The following SPRED1 variants were observed in gnomAD, a reference collection of about 807,000 sequenced individuals.
SPRED1 encodes sprouty-related, EVH1 domain-containing protein 1.
A neutral mutation model predicts 52.3 loss-of-function variants in SPRED1; 18 were observed. That is an observed-to-expected ratio of 0.34 (90% CI 0.24 to 0.51). SPRED1 has a LOEUF of 0.51. SPRED1 is among the 20% of genes least tolerant of loss of function. The pLI is 0.97. For missense variants in SPRED1, 485 were observed against 551.0 expected (o/e 0.88, Z 1.20); for synonymous variants, 155 against 179.7 (o/e 0.86, Z 1.10).
intron 1 of SPRED1, among the ~76,000 whole-genome samples, chr15:38,276,854 T>C (rs560758834): frequency 3.3e-5 from 5 of 152,224 alleles, no homozygotes; most frequent in Admixed American, 1.3e-4. Flanking sequence ...AGAAGTCTTA[T>C]GGCAGTATCA....
At position 38,351,314 on chromosome 15, in the gene SPRED1, G is replaced by C. The variant is rs756634323; in HGVS notation, c.985G>C (p.Asp329His). The C allele has an allele frequency of 1.9e-6, 3 of 1,614,006 alleles. No homozygotes were observed. The highest frequency in any genetic ancestry group is 2.5e-6 in the Non-Finnish European group (3 of 1,180,030). Residue 329 changes from aspartate (D) to histidine (H), a missense_variant, in exon 7 of 7, where the codon GAT (aspartate) becomes CAT (histidine). Around this residue, in one of 5 missense-constraint regions of SPRED1, gnomAD observed 205 missense variants for 245.2 expected, o/e 0.84. Transcript: ENST00000299084. Reference sequence around the variant, plus strand: ...TAAGAAGTCAAAACGAAGAAAAGAGGATGGTGAACGTTCTCGCTGCGTATA... The same window carrying C: ...TAAGAAGTCAAAACGAAGAAAAGAGCATGGTGAACGTTCTCGCTGCGTATA... ...KIKKSKRRKE[D>H]GERSRCVYCQ...
At chr15:38,346,385 G>T (rs990602969) in intron 5 of SPRED1, among the ~76,000 whole-genome samples, 1 of 151,914 alleles carries the variant, frequency 6.6e-6, no homozygotes, top group Non-Finnish European at 1.5e-5. Flanking sequence ...AGCCATTATA[G>T]TTCTTTAACT....
chr15:38,285,859 G>A (rs994552015), intron 1 of SPRED1, among the ~76,000 whole-genome samples: 1 of 152,176 alleles, frequency 6.6e-6, no homozygotes, highest in Non-Finnish European at 1.5e-5. Context: ...GAACAGACAC[G>A]TTAGAATTGT....
intron 1 of SPRED1, among the ~76,000 whole-genome samples, chr15:38,269,627 T>C (rs1226806973): frequency 6.6e-6 from 1 of 152,162 alleles, no homozygotes; most frequent in Non-Finnish European, 1.5e-5. Context: ...CTACCTTTGT[T>C]ATCTGCTAAA....
chr15:38,325,617 T>G (rs917624718), intron 4 of SPRED1, among the ~76,000 whole-genome samples: 33 of 152,138 alleles, frequency 2.2e-4, no homozygotes, highest in Admixed American at 9.2e-4. Context: ...TTCAACTAAT[T>G]GCGTGAGGTC....
intron 1 of SPRED1, among the ~76,000 whole-genome samples, chr15:38,279,116 A>G (rs1595721690): frequency 1.3e-5 from 2 of 152,188 alleles, no homozygotes; most frequent in Admixed American, 6.5e-5. Context: ...GTGAGCCACC[A>G]TGCCCAGCCT....
chr15:38,310,950 C>T (rs1269444100), intron 2 of SPRED1, among the ~76,000 whole-genome samples: 1 of 151,996 alleles, frequency 6.6e-6, no homozygotes, highest in African/African-American at 2.4e-5. Context: ...TCTTTTTCTT[C>T]CCTTATTTCT....
chr15:38,354,496 T>TG lies in SPRED1; in HGVS notation c.*2833dup, dbSNP rs1388382933. Reference sequence around the variant, plus strand: ...ATTTGATTTCTGAAGAAGTATGTCGTGTGGAGCTTCAGCACCACCTACTGG... The same window carrying TG: ...ATTTGATTTCTGAAGAAGTATGTCGTGGTGGAGCTTCAGCACCACCTACTGG... On this transcript the variant is annotated 3_prime_UTR_variant, in exon 7 of 7. Coordinates refer to ENST00000299084, the MANE Select transcript of SPRED1 (RefSeq NM_152594.3). 1.3e-5 allele frequency: 2 copies of TG among 152,174 alleles called. No individual in the cohort carries two copies. The highest frequency in any genetic ancestry group is 4.8e-5 in the African/African-American group (2 of 41,442). 9.4% of individuals were successfully genotyped at this position (152,174 alleles called of 1,614,324 possible).
chr15:38,324,572 GAAAT>G (rs1895672273), intron 3 of SPRED1, among the ~76,000 whole-genome samples, 187 bp from the exon 4 acceptor site: 2 of 152,206 alleles, frequency 1.3e-5, no homozygotes, highest in Admixed American at 1.3e-4. Context: ...ATAGAGGAGG[GAAAT>G]AATTACATTA....
rs765637726 is a variant in SPRED1, at chr15:38,278,828, G to GTTT, written c.33-20532_33-20530dup. ...ACAACCATTATAACCTAACTACACT[G>GTTT]TTTTTTTTTTTTTTTGTGAAATGAA... On this transcript the variant is annotated intron_variant, in intron 1 of 6. Coordinates refer to ENST00000299084, the MANE Select transcript of SPRED1 (RefSeq NM_152594.3). Among the ~76,000 whole-genome samples the GTTT allele has an allele frequency of 1.7e-5, 2 of 118,248 alleles. 1 individual carries two copies. Among genetic ancestry groups the GTTT allele is most frequent in the Non-Finnish European group, 3.3e-5 (2 of 59,816 alleles). The allele number at this position is 118,248 out of a possible 152,430, so 77.6% of individuals were successfully genotyped here. A position where few individuals can be genotyped will look rare whatever the true frequency, so the allele number is the denominator to read the frequency against.
intron 3 of SPRED1, among the ~76,000 whole-genome samples, 164 bp downstream of exon 3, chr15:38,322,573 G>C (rs1018614284): frequency 1.3e-5 from 2 of 152,132 alleles, no homozygotes; most frequent in Non-Finnish European, 2.9e-5. Context: ...TAAAATAATA[G>C]ATTCCTTAAC....
chr15:38,289,144 G>A (rs1281161963), intron 1 of SPRED1, among the ~76,000 whole-genome samples: 2 of 151,608 alleles, frequency 1.3e-5, no homozygotes, highest in Non-Finnish European at 2.9e-5. Context: ...GATTATTAGT[G>A]TGGTCATTAT....
At chr15:38,308,830 G>T (rs1383562808) in intron 2 of SPRED1, among the ~76,000 whole-genome samples, 1 of 152,162 alleles carries the variant, frequency 6.6e-6, no homozygotes, top group African/African-American at 2.4e-5. Flanking sequence ...TTTCTCTGGG[G>T]TAAATGACCA....
In SPRED1 at chr15:38,324,817, A is replaced by G. The variant is rs2140996685; in HGVS notation, c.423+8A>G. On this transcript the variant is annotated splice_region_variant and intron_variant, in intron 4 of 6. Coordinates refer to ENST00000299084, the MANE Select transcript of SPRED1 (RefSeq NM_152594.3). Reference sequence around the variant, plus strand: ...GGGGCAGATGACTTACAAGTAAGTAATGGCTTGGAAGGAATTTGTAAACAT... The same window carrying G: ...GGGGCAGATGACTTACAAGTAAGTAGTGGCTTGGAAGGAATTTGTAAACAT... 3.1e-6 allele frequency: 5 copies of G among 1,610,850 alleles called. No homozygotes were observed. The highest frequency in any genetic ancestry group is 1.7e-5 in the Admixed American group (1 of 59,800).
intron 2 of SPRED1, among the ~76,000 whole-genome samples, chr15:38,317,648 A>G (rs901020980): frequency 6.6e-6 from 1 of 152,024 alleles, no homozygotes; most frequent in African/African-American, 2.4e-5. Context: ...GTGTTCTGAT[A>G]TAGTTGAGAA....
intron 1 of SPRED1, among the ~76,000 whole-genome samples, chr15:38,257,194 A>T (rs971916645): frequency 6.6e-6 from 1 of 152,112 alleles, no homozygotes; most frequent in Non-Finnish European, 1.5e-5. Context: ...TACTTCGTAC[A>T]TATGTATATT....
At chr15:38,305,224 T>G (rs1433981165) in intron 2 of SPRED1, among the ~76,000 whole-genome samples, 1 of 151,526 alleles carries the variant, frequency 6.6e-6, no homozygotes, top group Non-Finnish European at 1.5e-5. Context: ...CCCAGCTACT[T>G]AGGAGGCTGA....
chr15:38,263,166 T>C lies in SPRED1; in HGVS notation c.32+9949T>C, dbSNP rs1022131680. Reference sequence around the variant, plus strand: ...GAATGTGAAGGAAGGAGTAGGAAGGTTGTGGGATGACTTGAACATTTTAAA... The same window carrying C: ...GAATGTGAAGGAAGGAGTAGGAAGGCTGTGGGATGACTTGAACATTTTAAA... On this transcript the variant is annotated intron_variant, in intron 1 of 6. Transcript: ENST00000299084. Among the ~76,000 whole-genome samples, 8 of 152,128 alleles carry C rather than the reference T, an allele frequency of 5.3e-5. No homozygotes were observed. In the East Asian group the frequency reaches 1.5e-3, roughly 29 times the overall value.
intron 2 of SPRED1, among the ~76,000 whole-genome samples, chr15:38,319,435 A>G (rs867701561): frequency 6.6e-6 from 1 of 152,172 alleles, no homozygotes; most frequent in Admixed American, 6.5e-5. Flanking sequence ...GCTGGAGTGC[A>G]ATGGCATGAT....
Sources: allele counts gnomAD v4.1 joint callset (sites outside exome capture counted in the v4.1 genomes callset), GRCh38; gene constraint gnomAD v4.1.1; regional missense constraint gnomAD v4.1.1; transcripts MANE v1.5; gene names NCBI Gene and HGNC (gene_info 2026-07-23, HGNC 2026-07-21).